The following SGCZ variants were observed in gnomAD, a reference collection of about 807,000 sequenced individuals.
SGCZ encodes zeta-sarcoglycan.
In SGCZ, 40 loss-of-function variants were observed where a neutral mutation model predicts 41.3. That is an observed-to-expected ratio of 0.97 (90% CI 0.75 to 1.26). The LOEUF (loss-of-function observed/expected upper bound fraction) is 1.26. SGCZ is among the 50% of genes most tolerant of loss of function. The probability of loss-of-function intolerance (pLI) is 0.00; values close to 1 mark genes in which losing one functional copy is unlikely to be tolerated. For synonymous variants in SGCZ, 206 were observed against 137.5 expected (o/e 1.50, Z -3.49); for missense variants, 552 against 369.8 (o/e 1.49, Z -4.04).
chr8:14,994,078 T>C (rs960147683), intron 1 of SGCZ, among the ~76,000 whole-genome samples: 6 of 152,172 alleles, frequency 3.9e-5, no homozygotes, highest in African/African-American at 1.4e-4. Flanking sequence ...GTTCTGAGTA[T>C]ATTTTAAATG....
chr8:15,130,766 A>G (rs1477937503), intron 1 of SGCZ, among the ~76,000 whole-genome samples: 2 of 152,354 alleles, frequency 1.3e-5, no homozygotes, highest in African/African-American at 4.8e-5. Flanking sequence ...AAAATTATGC[A>G]TACTACCTAA....
At chr8:14,875,348 C>T (rs986345958) in intron 1 of SGCZ, among the ~76,000 whole-genome samples, 1 of 152,164 alleles carries the variant, frequency 6.6e-6, no homozygotes, top group Admixed American at 6.6e-5. Context: ...CTTCCAAAAG[C>T]CACATATCTT....
chr8:14,342,377 C>A (rs937727578), intron 2 of SGCZ, among the ~76,000 whole-genome samples: 3 of 152,044 alleles, frequency 2.0e-5, no homozygotes, highest in Admixed American at 1.3e-4. Context: ...AGTGCACTGG[C>A]GCTATCTCGG....
chr8:15,033,572 A>G (rs900733901), intron 1 of SGCZ, among the ~76,000 whole-genome samples: 1 of 152,052 alleles, frequency 6.6e-6, no homozygotes, highest in African/African-American at 2.4e-5. Context: ...CTGTACACCA[A>G]GACTCCAGGA....
chr8:14,371,913 A>G (rs548461823), intron 2 of SGCZ, among the ~76,000 whole-genome samples: 1 of 152,176 alleles, frequency 6.6e-6, no homozygotes, highest in Non-Finnish European at 1.5e-5. Context: ...ATGGAGATCA[A>G]TATAGGCTGG....
At chr8:14,596,680 G>A (rs1462446980) in intron 1 of SGCZ, among the ~76,000 whole-genome samples, 1 of 152,058 alleles carries the variant, frequency 6.6e-6, no homozygotes, top group Non-Finnish European at 1.5e-5. Context: ...CACGGGGTGG[G>A]GGAAGGGGAG....
chr8:14,897,741 A>T (rs911969950), intron 1 of SGCZ, among the ~76,000 whole-genome samples: 10 of 152,138 alleles, frequency 6.6e-5, no homozygotes, highest in Non-Finnish European at 1.0e-4. Context: ...GGCCATTCTC[A>T]TCTTTTCCAA....
At chr8:14,846,703 C>CAAA (rs56796907) in intron 1 of SGCZ, among the ~76,000 whole-genome samples, 31 of 19,366 alleles carry the variant, frequency 1.6e-3, no homozygotes, top group Admixed American at 3.7e-3. Context: ...CCTTTAAATC[C>CAAA]AAAAAAAAAA....
chr8:14,339,524 C>A (rs1363059784), intron 2 of SGCZ, among the ~76,000 whole-genome samples: 1 of 152,156 alleles, frequency 6.6e-6, no homozygotes, highest in Non-Finnish European at 1.5e-5. Context: ...TCAATGTTTT[C>A]TTTTTATTCC....
At chr8:15,189,999 C>T (rs908895678) in intron 1 of SGCZ, among the ~76,000 whole-genome samples, 3 of 152,156 alleles carry the variant, frequency 2.0e-5, no homozygotes, top group African/African-American at 7.2e-5. Context: ...AGCTTCAACA[C>T]ATTATCTACC....
In SGCZ at chr8:14,908,511, G is replaced by A. The variant is rs553932942; in HGVS notation, c.39+329074C>T. On this transcript the variant is annotated intron_variant, in intron 1 of 7. Coordinates refer to ENST00000382080, the MANE Select transcript of SGCZ (RefSeq NM_139167.4). ...TCACGCCTGTAATCCCAGCAGTTTG[G>A]GAGCCCCAGGTGGGAGGATCACGAG... Among the ~76,000 whole-genome samples the A allele has an allele frequency of 5.6e-4, 85 of 152,176 alleles. No individual in the cohort carries two copies. The East Asian group carries it at 0.016, about 29-fold the overall frequency.
chr8:14,150,418 C>T (rs1803664187), intron 5 of SGCZ, among the ~76,000 whole-genome samples: 1 of 151,992 alleles, frequency 6.6e-6, no homozygotes, highest in Non-Finnish European at 1.5e-5. Flanking sequence ...AACAGGCATA[C>T]AAAAAATGCT....
intron 1 of SGCZ, among the ~76,000 whole-genome samples, chr8:14,723,111 G>T (rs754511676): frequency 1.3e-5 from 2 of 152,084 alleles, no homozygotes; most frequent in South Asian, 2.1e-4. Context: ...ATAAGATCAC[G>T]GGATCCTTTT....
rs1218761794 is a variant in SGCZ, at chr8:14,365,804, G to T, written c.235-41600C>A. Among the ~76,000 whole-genome samples the T allele has an allele frequency of 2.6e-5, 4 of 151,872 alleles. No individual in the cohort carries two copies. In the East Asian group the frequency reaches 7.7e-4, roughly 29 times the overall value. On this transcript the variant is annotated intron_variant, in intron 2 of 7. Coordinates refer to ENST00000382080, the MANE Select transcript of SGCZ (RefSeq NM_139167.4). ...ATTTTATTTAAATGTCAAATTTATTGGGATAAGGCTGTTAATAAAATCATA... is the reference window on the plus strand; with the variant it reads ...ATTTTATTTAAATGTCAAATTTATTTGGATAAGGCTGTTAATAAAATCATA...
intron 7 of SGCZ, among the ~76,000 whole-genome samples, chr8:14,096,393 T>C (rs998229551): frequency 4.1e-4 from 62 of 151,988 alleles, no homozygotes; most frequent in African/African-American, 1.4e-3. Flanking sequence ...GGTTATGTGA[T>C]TGATTGATTA....
chr8:14,984,622 C>A (rs1801771819), intron 1 of SGCZ, among the ~76,000 whole-genome samples: 1 of 152,028 alleles, frequency 6.6e-6, no homozygotes, highest in Non-Finnish European at 1.5e-5. Context: ...TATCCTGTAA[C>A]TTTGGTCATT....
At chr8:15,172,459 G>A (rs987474158) in intron 1 of SGCZ, among the ~76,000 whole-genome samples, 3 of 152,082 alleles carry the variant, frequency 2.0e-5, no homozygotes, top group Non-Finnish European at 4.4e-5. Context: ...GAAATCAAAT[G>A]TTTTATGTAA....
At chr8:14,570,895 A>G (rs1029602635) in intron 1 of SGCZ, among the ~76,000 whole-genome samples, 1 of 152,136 alleles carries the variant, frequency 6.6e-6, no homozygotes, top group African/African-American at 2.4e-5. Flanking sequence ...AGAAGCGATA[A>G]GAAAGAATTT....
chr8:14,474,432 G>A (rs979363655), intron 2 of SGCZ, among the ~76,000 whole-genome samples: 2 of 152,140 alleles, frequency 1.3e-5, no homozygotes, highest in African/African-American at 4.8e-5. Context: ...TGTTCACACA[G>A]AAAGTGATGC....
Sources: allele counts gnomAD v4.1 joint callset (sites outside exome capture counted in the v4.1 genomes callset), GRCh38; gene constraint gnomAD v4.1.1; transcripts MANE v1.5; gene names NCBI Gene and HGNC (gene_info 2026-07-23, HGNC 2026-07-21).